Variants in SGCZ observed in about 807,000 individuals in gnomAD.
SGCZ encodes the protein sarcoglycan zeta.
SGCZ carries 40 observed loss-of-function variants against 41.3 expected under a neutral mutation model. That is an observed-to-expected ratio of 0.97 (90% confidence interval 0.75 to 1.26). The LOEUF is 1.26. Ranked by LOEUF, SGCZ falls within the 50% of genes most tolerant of loss-of-function variation. SGCZ has a pLI of 0.00. For missense variants in SGCZ, 552 were observed against 369.8 expected (o/e 1.49, Z -4.04); for synonymous variants, 206 against 137.5 (o/e 1.50, Z -3.49).
At chr8:14,691,811 A>T (rs1808807877) in intron 1 of SGCZ, among the ~76,000 whole-genome samples, 1 of 152,046 alleles carries the variant, frequency 6.6e-6, no homozygotes. Flanking sequence ...CCGTAATAAA[A>T]AATCAAACTT....
chr8:14,968,494 A>C (rs1008538700), intron 1 of SGCZ, among the ~76,000 whole-genome samples: 33 of 152,148 alleles, frequency 2.2e-4, no homozygotes, highest in African/African-American at 7.7e-4. Context: ...CTAGATTAGG[A>C]TAAGAAGAAA....
Position 14,361,313 on chromosome 8 carries a change from G to A in SGCZ, c.235-37109C>T, listed in dbSNP as rs1298775252. On this transcript the variant is annotated intron_variant, in intron 2 of 7. Transcript: ENST00000382080. ...GGTTCCATTCTCCCCATCACTTTCA[G>A]GTACAGCAATCAAACGTAGATTTGG... 2.6e-5 allele frequency among the ~76,000 whole-genome samples: 4 copies of A among 152,060 alleles called. No homozygotes were observed. In the East Asian group the frequency reaches 7.7e-4, roughly 29 times the overall value.
At chr8:14,699,416 G>A (rs1167071915) in intron 1 of SGCZ, among the ~76,000 whole-genome samples, 3 of 151,680 alleles carry the variant, frequency 2.0e-5, no homozygotes, top group Admixed American at 6.6e-5. Flanking sequence ...ACTACCATAT[G>A]CAGTAGATTG....
chr8:15,119,841 G>A (rs547244371), intron 1 of SGCZ, among the ~76,000 whole-genome samples: 5 of 151,960 alleles, frequency 3.3e-5, no homozygotes, highest in East Asian at 1.9e-4. Context: ...AGACAGTCTC[G>A]CTCTGTTGAC....
intron 4 of SGCZ, among the ~76,000 whole-genome samples, chr8:14,223,912 G>C (rs1343870735): frequency 1.3e-5 from 2 of 152,138 alleles, no homozygotes; most frequent in Non-Finnish European, 2.9e-5. Context: ...AATGTGAAAA[G>C]AGTTTCACTT....
chr8:15,107,472 C>G (rs971582580), intron 1 of SGCZ, among the ~76,000 whole-genome samples: 4 of 152,088 alleles, frequency 2.6e-5, no homozygotes, highest in Non-Finnish European at 5.9e-5. Context: ...TTAAAAATAA[C>G]CTGGCTCTCT....
At chr8:14,594,577 C>A (rs190879465) in intron 1 of SGCZ, among the ~76,000 whole-genome samples, 71 of 150,336 alleles carry the variant, frequency 4.7e-4, no homozygotes, top group Admixed American at 1.7e-3. Flanking sequence ...TAGAAGCAAG[C>A]AGTTTATGTC....
chr8:14,992,149 T>C (rs970567088), intron 1 of SGCZ, among the ~76,000 whole-genome samples: 2 of 149,058 alleles, frequency 1.3e-5, no homozygotes, highest in East Asian at 4.1e-4. Context: ...TGTTTACCTC[T>C]CCCCCATCAT....
At chr8:14,749,992 T>A (rs1799450551) in intron 1 of SGCZ, among the ~76,000 whole-genome samples, 2 of 152,160 alleles carry the variant, frequency 1.3e-5, no homozygotes, top group Non-Finnish European at 1.5e-5. Flanking sequence ...TAAAAGTTGA[T>A]CATTCAAACT....
intron 1 of SGCZ, among the ~76,000 whole-genome samples, chr8:14,903,963 T>G (rs17120538): frequency 6.6e-6 from 1 of 152,022 alleles, no homozygotes; most frequent in South Asian, 2.1e-4. Context: ...TCATGATTAG[T>G]AATATTTCGT....
intron 1 of SGCZ, among the ~76,000 whole-genome samples, chr8:14,957,171 G>C (rs931644888): frequency 1.3e-5 from 2 of 151,992 alleles, no homozygotes; most frequent in Admixed American, 6.6e-5. Context: ...GTATAATTTT[G>C]TTTTCTCTCT....
intron 2 of SGCZ, among the ~76,000 whole-genome samples, chr8:14,396,219 G>C (rs771860719): frequency 6.6e-6 from 1 of 152,020 alleles, no homozygotes; most frequent in African/African-American, 2.4e-5. Context: ...TCTTATTTTA[G>C]TTCCTACGCA....
chr8:14,768,329 A>G (rs1800109994), intron 1 of SGCZ, among the ~76,000 whole-genome samples: 1 of 152,224 alleles, frequency 6.6e-6, no homozygotes. Context: ...TATAAAGTGC[A>G]GTACTTCTTT....
chr8:14,112,689 G>C (rs1377182673), intron 5 of SGCZ, among the ~76,000 whole-genome samples: 2 of 152,018 alleles, frequency 1.3e-5, no homozygotes, highest in African/African-American at 4.8e-5. Flanking sequence ...TCTTGGCCAA[G>C]TATTTAAAGC....
At chr8:14,452,392 GATAT>G (rs1037769096) in intron 2 of SGCZ, among the ~76,000 whole-genome samples, 2 of 152,052 alleles carry the variant, frequency 1.3e-5, no homozygotes, top group African/African-American at 4.8e-5. Flanking sequence ...TACATGTCAT[GATAT>G]ACTTGTCCTA....
chr8:14,298,989 T>C (rs1203418895), intron 3 of SGCZ, among the ~76,000 whole-genome samples: 1 of 152,036 alleles, frequency 6.6e-6, no homozygotes, highest in African/African-American at 2.4e-5. Context: ...TATATTGGTA[T>C]AATGAAAGAC....
intron 2 of SGCZ, among the ~76,000 whole-genome samples, chr8:14,392,633 G>A (rs986561083): frequency 3.3e-5 from 5 of 152,006 alleles, no homozygotes; most frequent in African/African-American, 1.2e-4. Flanking sequence ...TATAACATAG[G>A]CAGATAAACT....
chr8:15,051,682 A>G (rs561180156), intron 1 of SGCZ, among the ~76,000 whole-genome samples: 1 of 152,260 alleles, frequency 6.6e-6, no homozygotes, highest in African/African-American at 2.4e-5. Flanking sequence ...TTTTTAAAAA[A>G]ATTTAGCTAT....
chr8:14,258,337 C>T lies in SGCZ; in HGVS notation c.337-20658G>A, dbSNP rs999891369. Among the ~76,000 whole-genome samples, 57 of 152,166 alleles carry T rather than the reference C, an allele frequency of 3.7e-4. 1 individual carries two copies. The highest frequency in any genetic ancestry group is 1.3e-3 in the African/African-American group (55 of 41,522). ...CATTTAAAGAGGGCAATGTATTAGT[C>T]CTCTGCACTCTGCAAACACATGCCC... On this transcript the variant is annotated intron_variant, in intron 3 of 7. Transcript: ENST00000382080.
Sources: allele counts gnomAD v4.1 joint callset (sites outside exome capture counted in the v4.1 genomes callset), GRCh38; gene constraint gnomAD v4.1.1; transcripts MANE v1.5; gene names NCBI Gene and HGNC (gene_info 2026-07-23, HGNC 2026-07-21).